The following MCM10 variants were observed in gnomAD, a reference collection of about 807,000 sequenced individuals.
The protein encoded by MCM10 is protein MCM10 homolog.
In MCM10, 91 loss-of-function variants were observed where a neutral mutation model predicts 109.9. The ratio of observed to expected loss-of-function variants is 0.83; its 90% CI spans 0.70 to 0.99. The LOEUF (loss-of-function observed/expected upper bound fraction) is 0.99. MCM10 is among the 50% of genes least tolerant of loss of function. The probability of loss-of-function intolerance (pLI) is 0.00; values close to 1 mark genes in which losing one functional copy is unlikely to be tolerated. For synonymous variants in MCM10, 380 were observed against 387.2 expected, an observed-to-expected ratio of 0.98 and a Z score of 0.22; for missense variants, 1,077 against 1,061.2, an observed-to-expected ratio of 1.01 and a Z score of -0.21.
chr10:13,204,451 T>C (rs1054474734), intron 18 of MCM10, 87 bp downstream of exon 18: 9 of 1,506,446 alleles, frequency 6.0e-6, no homozygotes, highest in African/African-American at 4.2e-5. Flanking sequence ...CTTGGAACGT[T>C]GGATGATCAT....
In MCM10 at chr10:13,172,598, T is replaced by TA; in HGVS notation, c.455-29dup. ...TTGAACCTCTTTCTGAATGGGTTTT[T>TA]ACTCACTTATTTTACTTTTGATTAA... is the stretch of plus-strand genomic sequence containing the variant. On this transcript the variant is annotated intron_variant, in intron 4 of 19. Coordinates refer to ENST00000378714, the MANE Select transcript of MCM10 (RefSeq NM_018518.5). This position sits in a 1 kb window ranked among gnomAD's most constrained non-coding sequence, Gnocchi z 5.2. 2 of 1,613,240 alleles carry TA rather than the reference T, an allele frequency of 1.2e-6. No homozygotes were observed. The highest frequency in any genetic ancestry group is 1.7e-6 in the Non-Finnish European group (2 of 1,179,628).
In MCM10 at chr10:13,175,614, A is replaced by G; in HGVS notation, c.697A>G (p.Thr233Ala). 6.2e-7 allele frequency: 1 copy of G among 1,613,146 alleles called. No individual in the cohort carries two copies. The highest frequency in any genetic ancestry group is 1.1e-5 in the South Asian group (1 of 91,040). Residue 233 changes from threonine (T) to alanine (A), a missense_variant, in exon 6 of 20, where the codon ACC becomes GCC. By Grantham distance (58) the Thr-to-Ala change is moderately conservative. Transcript: ENST00000378714. ...SGITRGQIVG[T>A]PGSSGETTQP... ...GATAACTAGAGGTCAAATTGTGGGG[A>G]CCCCAGGAAGTTCTGGGGAAACGAC...
At chr10:13,175,245 G>A (rs1285011715) in intron 5 of MCM10, among the ~76,000 whole-genome samples, 2 of 152,076 alleles carry the variant, frequency 1.3e-5, no homozygotes, top group African/African-American at 4.8e-5. Context: ...ACCAGCCTGG[G>A]CAACATGGCA....
In MCM10 at chr10:13,172,244, G is replaced by C; in HGVS notation, c.350-132G>C. The C allele has an allele frequency of 1.5e-6, 1 of 677,520 alleles. No homozygotes were observed. Among genetic ancestry groups the C allele is most frequent in the Admixed American group, 2.5e-5 (1 of 39,820 alleles). The allele number at this position is 677,520 out of a possible 1,614,324, so 42.0% of individuals were successfully genotyped here. ...AGTACCAAAGTTAATCATGAGCTTT[G>C]GGTATGTGATTATATTGTGGGTCTC... On this transcript the variant is annotated intron_variant, in intron 3 of 19. Coordinates refer to ENST00000378714, the MANE Select transcript of MCM10 (RefSeq NM_018518.5). This position sits in a 1 kb window ranked among gnomAD's most constrained non-coding sequence, Gnocchi z 5.2.
chr10:13,165,651 G>T (rs1417609520), intron 2 of MCM10, among the ~76,000 whole-genome samples: 1 of 152,134 alleles, frequency 6.6e-6, no homozygotes, highest in Non-Finnish European at 1.5e-5. Context: ...AAGGTGGGTG[G>T]ATCACCTGAG....
intron 2 of MCM10, among the ~76,000 whole-genome samples, chr10:13,168,513 A>T (rs1834030940): frequency 1.4e-5 from 2 of 146,938 alleles, no homozygotes; most frequent in Admixed American, 1.4e-4. Context: ...CTAGCCCCTG[A>T]ATTTCAGACA....
intron 17 of MCM10, 72 bp from the exon 18 acceptor site, chr10:13,204,147 C>T (rs1834537039): frequency 6.4e-7 from 1 of 1,562,292 alleles, no homozygotes; most frequent in Admixed American, 1.7e-5. Context: ...AGCAGATTGC[C>T]CTTACTGCAG....
intron 3 of MCM10, among the ~76,000 whole-genome samples, chr10:13,171,495 G>A (rs541894219): frequency 6.6e-6 from 1 of 152,236 alleles, no homozygotes; most frequent in African/African-American, 2.4e-5. Context: ...GATCCTGTAC[G>A]GAATGGCTCT....
intron 13 of MCM10, among the ~76,000 whole-genome samples, chr10:13,192,972 A>G (rs143165638): frequency 1.5e-3 from 232 of 151,674 alleles, no homozygotes; most frequent in African/African-American, 4.6e-3. Context: ...TGCAACCTCC[A>G]TGTCCCAGGC....
intron 6 of MCM10, among the ~76,000 whole-genome samples, chr10:13,179,423 T>C (rs1288352368): frequency 3.3e-5 from 5 of 152,074 alleles, no homozygotes; most frequent in Non-Finnish European, 7.4e-5. Flanking sequence ...GGGGAGCCTA[T>C]CACACTACAA....
intron 9 of MCM10, 24 bp from the exon 10 acceptor site, chr10:13,188,857 A>G (rs1834308607): frequency 2.5e-6 from 4 of 1,609,040 alleles, no homozygotes. Flanking sequence ...CCTCATCCTG[A>G]TGCCACTGCT....
At chr10:13,190,199 C>T (rs1172436711) in intron 10 of MCM10, among the ~76,000 whole-genome samples, 1 of 152,144 alleles carries the variant, frequency 6.6e-6, no homozygotes, top group Non-Finnish European at 1.5e-5. Context: ...TGTTCCCAAT[C>T]CAGCAGGAAT....
chr10:13,197,849 A>G (rs1834442996), intron 15 of MCM10, 82 bp downstream of exon 15: 3 of 1,378,452 alleles, frequency 2.2e-6, no homozygotes, highest in Non-Finnish European at 3.0e-6. Flanking sequence ...CAGCACCCAG[A>G]TATCAAGCAA....
intron 17 of MCM10, 128 bp from the exon 18 acceptor site, chr10:13,204,091 C>T: frequency 9.1e-7 from 1 of 1,094,610 alleles, no homozygotes; most frequent in East Asian, 2.5e-5. Context: ...GTGGCCCAGT[C>T]CCCTAGCAAG....
In MCM10 at chr10:13,170,603, C is replaced by G. The variant is rs75878239; in HGVS notation, c.8-319C>G. 7.0e-3 allele frequency among the ~76,000 whole-genome samples: 1,069 copies of G among 152,294 alleles called. 15 individuals carry two copies. The highest frequency in any genetic ancestry group is 0.024 in the African/African-American group (1,005 of 41,560). On this transcript the variant is annotated intron_variant, in intron 2 of 19. Coordinates refer to ENST00000378714, the MANE Select transcript of MCM10 (RefSeq NM_018518.5). ...TCTTAGCCCAGTGTCCCCTAAGAAG[C>G]ACCTGGGGACAAGAAAGATGGAGAC...
chr10:13,174,568 T>C (rs1479882602), intron 5 of MCM10, among the ~76,000 whole-genome samples: 1 of 152,156 alleles, frequency 6.6e-6, no homozygotes, highest in African/African-American at 2.4e-5. Flanking sequence ...AGTGGAACTA[T>C]CTAGTACAGT....
At chr10:13,205,002 G>GTATATATATATATA (rs576376587) in intron 18 of MCM10, among the ~76,000 whole-genome samples, 1 of 6,682 alleles carries the variant, frequency 1.5e-4, no homozygotes, top group Admixed American at 1.8e-3. Flanking sequence ...ATGTATGTAT[G>GTATATATATATATA]TATATATATA....
chr10:13,180,503 C>T lies in MCM10; in HGVS notation c.826C>T (p.Leu276=), dbSNP rs751840247. 45 of 1,613,862 alleles carry T rather than the reference C, an allele frequency of 2.8e-5. No individual in the cohort carries two copies. Among genetic ancestry groups the T allele is most frequent in the Non-Finnish European group, 3.8e-5 (45 of 1,180,008 alleles). ...KKMTGRKLIR[L]SQIKEKMARE... is the part of the protein sequence containing the mutation. ...AATGACCGGCCGAAAACTGATCAGA[C>T]TGTCTCAGATCAAGGAAAAGATGGC... Residue 276 remains leucine, a synonymous_variant, in exon 7 of 20, where the codon CTG becomes TTG. Transcript: ENST00000378714.
At chr10:13,173,278 G>T (rs1322436252) in intron 5 of MCM10, among the ~76,000 whole-genome samples, 3 of 151,986 alleles carry the variant, frequency 2.0e-5, no homozygotes, top group Admixed American at 6.6e-5. Context: ...TAGCTCTGTA[G>T]TCTCATAGTT....
Sources: allele counts gnomAD v4.1 joint callset (sites outside exome capture counted in the v4.1 genomes callset), GRCh38; gene constraint gnomAD v4.1.1; non-coding constraint Gnocchi (gnomAD v3.1); transcripts MANE v1.5; gene names NCBI Gene and HGNC (gene_info 2026-07-23, HGNC 2026-07-21).